Variants in FAM193A observed in about 807,000 individuals in gnomAD.
The protein encoded by FAM193A is protein FAM193A.
FAM193A carries 22 observed loss-of-function variants against 126.5 expected under a neutral mutation model. The observed-to-expected ratio is 0.17, with a 90% CI of 0.12 to 0.25. The LOEUF is 0.25. Ranked by LOEUF, FAM193A falls within the 10% of genes least tolerant of loss-of-function variation. The probability of loss-of-function intolerance (pLI) is 1.00; values close to 1 mark genes in which losing one functional copy is unlikely to be tolerated. For missense variants in FAM193A, 1,675 were observed against 1,672.8 expected (o/e 1.00, Z -0.02); for synonymous variants, 761 against 646.8 (o/e 1.18, Z -2.68).
intron 7 of FAM193A, among the ~76,000 whole-genome samples, chr4:2,656,310 A>G (rs1438499963): frequency 6.6e-6 from 1 of 152,218 alleles, no homozygotes; most frequent in Non-Finnish European, 1.5e-5. Context: ...GAAGAACAAG[A>G]ACTATAGATC....
chr4:2,601,832 G>T (rs1016335173), intron 2 of FAM193A, among the ~76,000 whole-genome samples: 1 of 151,648 alleles, frequency 6.6e-6, no homozygotes, highest in East Asian at 1.9e-4. Context: ...TTAATTAATT[G>T]TTGCTTTTTA....
chr4:2,691,691 G>A (rs1297179378), intron 15 of FAM193A, among the ~76,000 whole-genome samples: 1 of 151,546 alleles, frequency 6.6e-6, no homozygotes, highest in Non-Finnish European at 1.5e-5. Flanking sequence ...GTAGCTCCCA[G>A]CACTTTGGGA....
At chr4:2,693,899 G>C in intron 16 of FAM193A, 25 bp downstream of exon 16, 5 of 1,599,782 alleles carry the variant, frequency 3.1e-6, no homozygotes, top group Non-Finnish European at 4.3e-6. Context: ...GACTGGGGAC[G>C]TGGGAGCACT....
rs71178493 is a variant in FAM193A, at chr4:2,622,257, C to CAAAAAAAAAAA, written c.502-2989_502-2979dup. ...GGGTGATAGAGCGAGACCCTGTCTC[C>CAAAAAAAAAAA]AAAAAAAAAAAAAAAAAAAAAAAAA... is the stretch of plus-strand genomic sequence containing the variant. On this transcript the variant is annotated intron_variant, in intron 2 of 20. Transcript: ENST00000637812. 5.6e-4 allele frequency among the ~76,000 whole-genome samples: 31 copies of CAAAAAAAAAAA among 55,570 alleles called. 2 individuals are homozygous for CAAAAAAAAAAA. Among genetic ancestry groups the CAAAAAAAAAAA allele is most frequent in the African/African-American group, 2.1e-3 (31 of 14,780 alleles). The allele number at this position is 55,570 out of a possible 152,430, so 36.5% of individuals were successfully genotyped here.
intron 13 of FAM193A, among the ~76,000 whole-genome samples, chr4:2,679,103 T>C (rs921093532): frequency 1.1e-4 from 16 of 152,204 alleles, no homozygotes; most frequent in African/African-American, 3.9e-4. Flanking sequence ...ATTCCTAGTT[T>C]GTTGGGTGTT....
chr4:2,691,120 A>G (rs1716331106), intron 15 of FAM193A, 150 bp downstream of exon 15: 1 of 674,450 alleles, frequency 1.5e-6, no homozygotes, highest in East Asian at 2.7e-5. Context: ...GCTCACACAC[A>G]GAGAGCTGAT....
At chr4:2,696,804 T>G (rs972820402) in intron 18 of FAM193A, among the ~76,000 whole-genome samples, 5 of 152,186 alleles carry the variant, frequency 3.3e-5, no homozygotes, top group Non-Finnish European at 7.4e-5. Flanking sequence ...TTCGGGAAAT[T>G]ACTTCCCCTT....
At chr4:2,731,734 G>T (rs1367727616) in intron 20 of FAM193A, 41 bp from the exon 21 acceptor site, 1 of 1,500,372 alleles carries the variant, frequency 6.7e-7, no homozygotes, top group Non-Finnish European at 9.3e-7. Context: ...TTGGTTGTGG[G>T]CTGTTTCCTT....
Position 2,690,687 on chromosome 4 carries a change from C to A in FAM193A, c.2531-11C>A. ...TGTCAGAAGCCTTAATTTTCCTGTTCTTCTTTGAAGGGAGTGAAATATTAG... is the reference window on the plus strand; with the variant it reads ...TGTCAGAAGCCTTAATTTTCCTGTTATTCTTTGAAGGGAGTGAAATATTAG... On this transcript the variant is annotated splice_polypyrimidine_tract_variant and intron_variant, in intron 14 of 20. Coordinates refer to ENST00000637812, the MANE Select transcript of FAM193A (RefSeq NM_001366318.2). The A allele has an allele frequency of 6.3e-7, 1 of 1,599,400 alleles. No individual in the cohort carries two copies. Among genetic ancestry groups the A allele is most frequent in the South Asian group, 1.1e-5 (1 of 88,876 alleles).
At chr4:2,630,328 G>GT (rs1743432453) in intron 4 of FAM193A, among the ~76,000 whole-genome samples, 2 of 111,672 alleles carry the variant, frequency 1.8e-5, no homozygotes, top group African/African-American at 3.6e-5. Flanking sequence ...TGGGATAATT[G>GT]TTAAAAAAAA....
At chr4:2,691,667 G>A (rs1018404076) in intron 15 of FAM193A, among the ~76,000 whole-genome samples, 2 of 151,908 alleles carry the variant, frequency 1.3e-5, no homozygotes, top group African/African-American at 4.8e-5. Context: ...AAAGGAATGA[G>A]GAGGCTGAGT....
chr4:2,551,978 C>T (rs1266114483), intron 1 of FAM193A, among the ~76,000 whole-genome samples: 2 of 148,898 alleles, frequency 1.3e-5, no homozygotes, highest in Non-Finnish European at 3.0e-5. Flanking sequence ...GCGGCTGGGA[C>T]TACAGGTGCA....
chr4:2,691,018 G>A (rs759107146), intron 15 of FAM193A, 48 bp downstream of exon 15: 1 of 1,535,236 alleles, frequency 6.5e-7, no homozygotes, highest in South Asian at 1.2e-5. Flanking sequence ...GGAAGGCTGG[G>A]CTTACTGACT....
chr4:2,725,450 C>CAAAAA (rs71644355), intron 20 of FAM193A, among the ~76,000 whole-genome samples: 5 of 31,760 alleles, frequency 1.6e-4, no homozygotes, highest in African/African-American at 2.9e-4. Flanking sequence ...ACCCTGTCTC[C>CAAAAA]AAAAAAAAAA....
chr4:2,542,136 C>T (rs1055762359), intron 1 of FAM193A, among the ~76,000 whole-genome samples: 6 of 152,108 alleles, frequency 3.9e-5, no homozygotes, highest in African/African-American at 1.4e-4. Flanking sequence ...TTGCCTCAGC[C>T]TCCTGAGTAG....
intron 1 of FAM193A, among the ~76,000 whole-genome samples, chr4:2,548,542 C>T (rs544868313): frequency 3.3e-5 from 5 of 151,910 alleles, no homozygotes; most frequent in East Asian, 1.9e-4. Flanking sequence ...CTGCAGCCTC[C>T]GCCTCCCAGA....
intron 20 of FAM193A, among the ~76,000 whole-genome samples, chr4:2,731,510 C>T (rs1286311657): frequency 6.6e-6 from 1 of 152,024 alleles, no homozygotes. Context: ...TAAGGGCGCT[C>T]ACAGCTCTCA....
chr4:2,700,555 A>G lies in FAM193A; in HGVS notation c.4372+11A>G. On this transcript the variant is annotated intron_variant, in intron 19 of 20. Coordinates refer to ENST00000637812, the MANE Select transcript of FAM193A (RefSeq NM_001366318.2). ...TCAACAATTCAATTGGTAAATACAG[A>G]ATAGCGGGAAGGTATTTCTGAGCGA... 1 of 1,600,648 alleles carries G rather than the reference A, an allele frequency of 6.2e-7. No individual in the cohort carries two copies. Among genetic ancestry groups the G allele is most frequent in the African/African-American group, 1.3e-5 (1 of 74,098 alleles).
At chr4:2,624,529 C>T (rs531965747) in intron 2 of FAM193A, among the ~76,000 whole-genome samples, 4 of 152,290 alleles carry the variant, frequency 2.6e-5, no homozygotes, top group Admixed American at 6.5e-5. Context: ...GCCTCTGCCC[C>T]GGCTGCTTGA....
Sources: allele counts gnomAD v4.1 joint callset (sites outside exome capture counted in the v4.1 genomes callset), GRCh38; gene constraint gnomAD v4.1.1; transcripts MANE v1.5; gene names NCBI Gene and HGNC (gene_info 2026-07-23, HGNC 2026-07-21).